Variants in CNTNAP2 observed in about 807,000 individuals in gnomAD.
CNTNAP2 encodes the protein contactin associated protein 2.
A neutral mutation model predicts 155.2 loss-of-function variants in CNTNAP2; 98 were observed. The ratio of observed to expected loss-of-function variants is 0.63; its 90% CI spans 0.54 to 0.75. The LOEUF (loss-of-function observed/expected upper bound fraction) is 0.75, where lower values mean the gene tolerates loss of function less well. Ranked by LOEUF, CNTNAP2 falls within the 30% of genes least tolerant of loss-of-function variation. The pLI is 0.00. For synonymous variants in CNTNAP2, 651 were observed against 631.2 expected, an observed-to-expected ratio of 1.03 and a Z score of -0.47; for missense variants, 1,727 against 1,688.1, an observed-to-expected ratio of 1.02 and a Z score of -0.40.
At chr7:146,808,456 A>G (rs1227159585) in intron 2 of CNTNAP2, among the ~76,000 whole-genome samples, 3 of 152,160 alleles carry the variant, frequency 2.0e-5, no homozygotes, top group East Asian at 1.9e-4. Flanking sequence ...TTCTGCATCT[A>G]TTGTGCTGAT....
intron 14 of CNTNAP2, among the ~76,000 whole-genome samples, chr7:147,957,337 G>C (rs1269700822): frequency 6.6e-6 from 1 of 152,132 alleles, no homozygotes; most frequent in South Asian, 2.1e-4. Context: ...AACTAATGAA[G>C]AAAAGGAGTG....
At chr7:146,137,012 C>T (rs1232055904) in intron 1 of CNTNAP2, among the ~76,000 whole-genome samples, 1 of 152,062 alleles carries the variant, frequency 6.6e-6, no homozygotes, top group Admixed American at 6.6e-5. Context: ...ACAAGAAAAA[C>T]GAACTGTTAA....
chr7:146,581,760 A>G (rs1166800261), intron 1 of CNTNAP2, among the ~76,000 whole-genome samples: 3 of 152,244 alleles, frequency 2.0e-5, no homozygotes, highest in African/African-American at 7.2e-5. Context: ...TACTTTAATC[A>G]TACATTTTTG....
At chr7:147,854,174 C>G (rs1798998012) in intron 13 of CNTNAP2, among the ~76,000 whole-genome samples, 1 of 152,268 alleles carries the variant, frequency 6.6e-6, no homozygotes, top group South Asian at 2.1e-4. Context: ...TGTGCTTCCT[C>G]TTTCTGAGGG....
intron 1 of CNTNAP2, among the ~76,000 whole-genome samples, chr7:146,253,172 G>A (rs1799783229): frequency 6.6e-6 from 1 of 152,166 alleles, no homozygotes; most frequent in African/African-American, 2.4e-5. Flanking sequence ...GCTAAGTACA[G>A]ACACACAGAA....
chr7:147,902,778 TTGTG>T lies in CNTNAP2; in HGVS notation c.2099-755_2099-752del, dbSNP rs564991239. Among the ~76,000 whole-genome samples, 538 of 136,802 alleles carry T rather than the reference TTGTG, an allele frequency of 3.9e-3. 2 individuals carry two copies. Among genetic ancestry groups the T allele is most frequent in the South Asian group, 8.3e-3 (33 of 3,992 alleles). The allele number at this position is 136,802 out of a possible 152,430, so 89.7% of individuals were successfully genotyped here. A position where few individuals can be genotyped will look rare whatever the true frequency, so the allele number is the denominator to read the frequency against. On this transcript the variant is annotated intron_variant, in intron 13 of 23. Transcript: ENST00000361727. ...CTGAGTAGTATTCCATCATATATGTTTGTGTGTGTGTGTGTGTGTGTGTGTGTGT... is the reference window on the plus strand; with the variant it reads ...CTGAGTAGTATTCCATCATATATGTTTGTGTGTGTGTGTGTGTGTGTGTGT...
intron 3 of CNTNAP2, among the ~76,000 whole-genome samples, chr7:146,863,596 A>T (rs1795146244): frequency 6.6e-6 from 1 of 152,030 alleles, no homozygotes. Flanking sequence ...AGAAGACTTG[A>T]ATGAAAATAT....
chr7:147,920,794 T>C (rs7805515), intron 14 of CNTNAP2, among the ~76,000 whole-genome samples: 110,508 of 146,088 alleles, frequency 0.76, 42,540 homozygotes, highest in African/African-American at 0.89. Context: ...CGTATGTGCT[T>C]CTGCTCCTGT....
At chr7:147,605,828 G>T (rs1018278401) in intron 12 of CNTNAP2, among the ~76,000 whole-genome samples, 17 of 151,808 alleles carry the variant, frequency 1.1e-4, no homozygotes, top group Non-Finnish European at 1.9e-4. Context: ...TCATATTTTG[G>T]GGTATTGTTT....
chr7:148,212,670 T>C (rs749730194), intron 18 of CNTNAP2, among the ~76,000 whole-genome samples: 1 of 152,150 alleles, frequency 6.6e-6, no homozygotes, highest in African/African-American at 2.4e-5. Context: ...TAATTTAGAG[T>C]TATTTTCAGT....
chr7:146,345,404 C>T (rs973119165), intron 1 of CNTNAP2, among the ~76,000 whole-genome samples: 3 of 152,166 alleles, frequency 2.0e-5, no homozygotes, highest in Non-Finnish European at 4.4e-5. Context: ...GCTGACAGCG[C>T]CTGATAAGAC....
chr7:147,494,769 C>T (rs1798672468), intron 11 of CNTNAP2, among the ~76,000 whole-genome samples: 1 of 151,764 alleles, frequency 6.6e-6, no homozygotes, highest in African/African-American at 2.4e-5. Flanking sequence ...AGGAACGGAG[C>T]TTCAGGAAGG....
At chr7:146,809,941 C>T (rs79634042) in intron 2 of CNTNAP2, among the ~76,000 whole-genome samples, 2,832 of 152,188 alleles carry the variant, frequency 0.019, 94 homozygotes, top group African/African-American at 0.062. Flanking sequence ...TGGCAAGAAG[C>T]TTTTCCCCTA....
At chr7:148,166,651 G>A (rs1333438853) in intron 17 of CNTNAP2, among the ~76,000 whole-genome samples, 4 of 152,250 alleles carry the variant, frequency 2.6e-5, no homozygotes, top group East Asian at 3.9e-4. Context: ...TACTTGCAAA[G>A]CATTTCACAA....
At chr7:146,210,493 G>A (rs943524884) in intron 1 of CNTNAP2, among the ~76,000 whole-genome samples, 4 of 152,050 alleles carry the variant, frequency 2.6e-5, no homozygotes, top group East Asian at 3.9e-4. Context: ...TAGTAGATAC[G>A]GGGTTTCACA....
At chr7:146,533,306 A>T (rs1312071677) in intron 1 of CNTNAP2, among the ~76,000 whole-genome samples, 3 of 152,096 alleles carry the variant, frequency 2.0e-5, no homozygotes, top group Non-Finnish European at 4.4e-5. Context: ...ACATAAATCT[A>T]CCTATAGGCT....
At chr7:146,923,747 G>T (rs1265132898) in intron 3 of CNTNAP2, among the ~76,000 whole-genome samples, 1 of 152,090 alleles carries the variant, frequency 6.6e-6, no homozygotes, top group Non-Finnish European at 1.5e-5. Flanking sequence ...CCACAAATAG[G>T]TCCTCTAATT....
At chr7:148,149,042 C>T (rs550666445) in intron 17 of CNTNAP2, among the ~76,000 whole-genome samples, 32 of 151,988 alleles carry the variant, frequency 2.1e-4, no homozygotes, top group African/African-American at 7.3e-4. Context: ...CATGTGTGGC[C>T]CAGATTAGCT....
intron 8 of CNTNAP2, among the ~76,000 whole-genome samples, chr7:147,288,621 G>A (rs988642718): frequency 9.9e-5 from 15 of 152,180 alleles, no homozygotes; most frequent in Non-Finnish European, 2.1e-4. Flanking sequence ...TCAAAGTAAC[G>A]AGAGTAGTTT....
Sources: gnomAD v4.1 joint callset for allele counts (sites outside exome capture counted in the v4.1 genomes callset) on GRCh38, gnomAD v4.1.1 for gene constraint, MANE v1.5 for transcripts, NCBI Gene and HGNC (gene_info 2026-07-23, HGNC 2026-07-21) for gene names.